Variants in PSD3 observed in about 807,000 individuals in gnomAD.
PSD3 encodes PH and SEC7 domain-containing protein 3.
Under a neutral mutation model 105.5 loss-of-function variants are expected in PSD3, and 49 were observed. That is an observed-to-expected ratio of 0.46 (90% CI 0.37 to 0.59). The LOEUF is 0.59. Ranked by LOEUF, PSD3 falls within the 20% of genes least tolerant of loss-of-function variation. PSD3 has a pLI of 0.00. For missense variants in PSD3, 1,561 were observed against 1,263.8 expected, an observed-to-expected ratio of 1.24 and a Z score of -3.57; for synonymous variants, 557 against 457.8, an observed-to-expected ratio of 1.22 and a Z score of -2.77.
chr8:19,056,396 C>G (rs1208797179), intron 1 of PSD3, among the ~76,000 whole-genome samples: 1 of 152,116 alleles, frequency 6.6e-6, no homozygotes, highest in Non-Finnish European at 1.5e-5. Context: ...GAAGAGAAGT[C>G]AGAGTTTTGA....
intron 8 of PSD3, among the ~76,000 whole-genome samples, chr8:18,774,103 G>C (rs1358680850): frequency 6.6e-6 from 1 of 151,976 alleles, no homozygotes; most frequent in Non-Finnish European, 1.5e-5. Context: ...GTCCTAATAG[G>C]TTTTTTCTTT....
chr8:18,577,184 T>A (rs1431910521), intron 12 of PSD3, among the ~76,000 whole-genome samples: 1 of 151,996 alleles, frequency 6.6e-6, no homozygotes, highest in Non-Finnish European at 1.5e-5. Flanking sequence ...TAATATCAAA[T>A]AATGTGCTTC....
At chr8:18,730,503 C>T (rs377618620) in intron 9 of PSD3, among the ~76,000 whole-genome samples, 9 of 152,142 alleles carry the variant, frequency 5.9e-5, no homozygotes, top group Non-Finnish European at 1.2e-4. Context: ...TGATCTTTAA[C>T]GAAGTTGACC....
At chr8:18,738,682 G>A (rs566718571) in intron 9 of PSD3, among the ~76,000 whole-genome samples, 5 of 152,118 alleles carry the variant, frequency 3.3e-5, no homozygotes, top group South Asian at 2.1e-4. Flanking sequence ...ATAAAGACTC[G>A]TACTAGCCAC....
At chr8:18,592,031 C>T (rs999912790) in intron 12 of PSD3, among the ~76,000 whole-genome samples, 4 of 152,052 alleles carry the variant, frequency 2.6e-5, no homozygotes, top group Non-Finnish European at 5.9e-5. Flanking sequence ...AGAGACAGAA[C>T]AAACAGGAAA....
rs868638821 is a variant in PSD3 at position 18,762,849 on chromosome 8, T to G, written c.2172+2600A>C. On this transcript the variant is annotated intron_variant, in intron 9 of 15. Transcript: ENST00000327040. ...TCAAGGTCTATTTTTTCTTAACCCT[T>G]TCTCTTCAGAAAACAACTACAACAA... 3.7e-6 allele frequency: 4 copies of G among 1,078,000 alleles called. No individual in the cohort carries two copies. The South Asian group carries it at 4.6e-5, about 12-fold the overall frequency. 66.8% of individuals were successfully genotyped at this position (1,078,000 alleles called of 1,614,324 possible).
chr8:18,843,453 C>T (rs560016187), intron 4 of PSD3, among the ~76,000 whole-genome samples: 1 of 152,252 alleles, frequency 6.6e-6, no homozygotes, highest in Admixed American at 6.5e-5. Context: ...CATTTTCTTC[C>T]CTTTCCCTTC....
intron 11 of PSD3, among the ~76,000 whole-genome samples, chr8:18,625,189 C>CAT (rs1554525361): frequency 1.1e-4 from 3 of 27,586 alleles, no homozygotes; most frequent in African/African-American, 4.2e-4. Context: ...GTGGGGAATA[C>CAT]ACACACACAC....
chr8:18,800,790 G>T (rs1810610515), intron 7 of PSD3, among the ~76,000 whole-genome samples: 1 of 152,166 alleles, frequency 6.6e-6, no homozygotes, highest in Admixed American at 6.5e-5. Flanking sequence ...CCACCAGTGA[G>T]ATTTGTTAAT....
At chr8:18,929,348 G>A (rs1006524594) in intron 2 of PSD3, among the ~76,000 whole-genome samples, 1 of 152,032 alleles carries the variant, frequency 6.6e-6, no homozygotes, top group African/African-American at 2.4e-5. Flanking sequence ...TAACAGTAGA[G>A]CCACAGAGAA....
At chr8:19,084,084 T>C (rs1323804118) in intron 1 of PSD3, 4 of 353,652 alleles carry the variant, frequency 1.1e-5, no homozygotes, top group African/African-American at 2.1e-5. Context: ...GTACCTCTGC[T>C]GTTGAGGTGT....
At chr8:18,546,272 C>T (rs1800445890) in intron 15 of PSD3, among the ~76,000 whole-genome samples, 1 of 152,208 alleles carries the variant, frequency 6.6e-6, no homozygotes, top group Admixed American at 6.5e-5. Context: ...GCTGGGATTA[C>T]AGGCGTGAGC....
intron 4 of PSD3, among the ~76,000 whole-genome samples, chr8:18,832,528 AC>A: frequency 1.3e-5 from 2 of 152,286 alleles, no homozygotes; most frequent in Admixed American, 1.3e-4. Flanking sequence ...TTCACCAATA[AC>A]ATGTCAAGCA....
intron 2 of PSD3, among the ~76,000 whole-genome samples, chr8:18,895,483 A>G (rs1350796268): frequency 1.3e-5 from 2 of 152,346 alleles, no homozygotes; most frequent in East Asian, 1.9e-4. Context: ...TCTTGTCTAC[A>G]GTGCATACAA....
At chr8:18,578,894 A>G (rs1288683036) in intron 12 of PSD3, among the ~76,000 whole-genome samples, 1 of 152,110 alleles carries the variant, frequency 6.6e-6, no homozygotes, top group African/African-American at 2.4e-5. Context: ...TTATACTGGA[A>G]GGAGAACACT....
At chr8:18,867,643 A>G (rs766980163) in intron 4 of PSD3, 31 bp downstream of exon 4, 1 of 1,553,886 alleles carries the variant, frequency 6.4e-7, no homozygotes. Flanking sequence ...AAAAACCACC[A>G]GCATGAAATG....
intron 1 of PSD3, among the ~76,000 whole-genome samples, chr8:19,045,679 A>T (rs1828293540): frequency 6.6e-6 from 1 of 152,206 alleles, no homozygotes; most frequent in Non-Finnish European, 1.5e-5. Context: ...TTTAAAGGGG[A>T]AGGAAATCCT....
intron 8 of PSD3, among the ~76,000 whole-genome samples, chr8:18,780,096 C>A (rs1245296705): frequency 6.6e-6 from 1 of 152,170 alleles, no homozygotes; most frequent in East Asian, 1.9e-4. Flanking sequence ...TCTATATCTG[C>A]ATGCTCCAGT....
chr8:18,814,718 A>C (rs1812056867), intron 4 of PSD3, among the ~76,000 whole-genome samples: 1 of 152,224 alleles, frequency 6.6e-6, no homozygotes, highest in African/African-American at 2.4e-5. Flanking sequence ...TTCTTTGGGC[A>C]AGGTAGGATC....
Sources: gnomAD v4.1 joint callset for allele counts (sites outside exome capture counted in the v4.1 genomes callset) on GRCh38, gnomAD v4.1.1 for gene constraint, MANE v1.5 for transcripts, NCBI Gene and HGNC (gene_info 2026-07-23, HGNC 2026-07-21) for gene names.